The following APBB1IP variants were observed in gnomAD, a reference collection of about 807,000 sequenced individuals.
The protein encoded by APBB1IP is amyloid beta precursor protein binding family B member 1 interacting protein.
Under a neutral mutation model 64.9 loss-of-function variants are expected in APBB1IP, and 27 were observed. The ratio of observed to expected loss-of-function variants is 0.42; its 90% CI spans 0.31 to 0.57. The LOEUF (loss-of-function observed/expected upper bound fraction) is 0.57, where lower values mean the gene tolerates loss of function less well. Among genes scored for constraint, APBB1IP ranks in the 20% least tolerant of loss-of-function variants. APBB1IP has a pLI of 0.20. For synonymous variants in APBB1IP, 392 were observed against 331.0 expected (o/e 1.18, Z -2.00); for missense variants, 812 against 845.5 (o/e 0.96, Z 0.49).
chr10:26,475,385 G>C (rs1460628127), intron 2 of APBB1IP, among the ~76,000 whole-genome samples: 1 of 152,054 alleles, frequency 6.6e-6, no homozygotes, highest in African/African-American at 2.4e-5. Context: ...GGCCTCCCAG[G>C]AATGAGATTA....
In APBB1IP at chr10:26,559,094, C is replaced by A. The variant is rs563631837; in HGVS notation, c.1156-1011C>A. On this transcript the variant is annotated intron_variant, in intron 11 of 14. Transcript: ENST00000376236. ...AGAACCAGGTTTTGGGAGTTATAAA[C>A]CCACAATTCTCATAGGCATTAATTC... is the stretch of plus-strand genomic sequence containing the variant. 5.3e-5 allele frequency among the ~76,000 whole-genome samples: 8 copies of A among 152,246 alleles called. No individual in the cohort carries two copies. In the South Asian group the frequency reaches 1.2e-3, roughly 24 times the overall value.
At chr10:26,469,111 T>G (rs1472912947) in intron 2 of APBB1IP, among the ~76,000 whole-genome samples, 1 of 151,968 alleles carries the variant, frequency 6.6e-6, no homozygotes, top group Non-Finnish European at 1.5e-5. Context: ...TTTTTTCACT[T>G]TAACACTTTT....
intron 2 of APBB1IP, among the ~76,000 whole-genome samples, chr10:26,487,267 C>T (rs1040868920): frequency 2.6e-5 from 4 of 151,360 alleles, no homozygotes; most frequent in East Asian, 1.9e-4. Flanking sequence ...AAATACCACA[C>T]GTACATATAG....
chr10:26,453,268 A>G lies in APBB1IP; in HGVS notation c.-1+14415A>G, dbSNP rs118191301. Among the ~76,000 whole-genome samples, 55 of 152,312 alleles carry G rather than the reference A, an allele frequency of 3.6e-4. 1 individual carries two copies. The East Asian group carries it at 9.6e-3, about 27-fold the overall frequency. ...GAGAAATGGCACAGAGGTAATGGCA[A>G]TGGTGTGTTTACAGGAGGAGAAAAA... On this transcript the variant is annotated intron_variant, in intron 2 of 14. Coordinates refer to ENST00000376236, the MANE Select transcript of APBB1IP (RefSeq NM_019043.4).
intron 2 of APBB1IP, among the ~76,000 whole-genome samples, chr10:26,454,142 A>G (rs1835495611): frequency 6.6e-6 from 1 of 152,202 alleles, no homozygotes; most frequent in Non-Finnish European, 1.5e-5. Context: ...TATTTATGGG[A>G]TCTAAAAATA....
chr10:26,533,495 G>T lies in APBB1IP; in HGVS notation c.870G>T (p.Met290Ile). ...KKESKETNEK[M>I]NAKNKESLLE... ...AAAGCAAGGAAACTAATGAGAAAAT[G>T]AATGCTAAGAACAAGGAATCCTTAC... The change falls in exon 9 of 15, where the codon ATG (methionine) becomes ATT (isoleucine). Residue 290 changes from methionine (M) to isoleucine (I), a missense_variant. Physicochemically the swap from Met to Ile is conservative, Grantham distance 10. Around this residue, in one of 3 missense-constraint regions of APBB1IP, gnomAD observed 394 missense variants for 413.1 expected, o/e 0.95. Coordinates refer to ENST00000376236, the MANE Select transcript of APBB1IP (RefSeq NM_019043.4). 1.2e-6 allele frequency: 2 copies of T among 1,605,418 alleles called. No homozygotes were observed. The highest frequency in any genetic ancestry group is 1.1e-5 in the South Asian group (1 of 88,980).
chr10:26,443,936 A>T (rs1835364475), intron 2 of APBB1IP, among the ~76,000 whole-genome samples: 1 of 152,234 alleles, frequency 6.6e-6, no homozygotes, highest in Non-Finnish European at 1.5e-5. Flanking sequence ...AGAGACAAAG[A>T]TCCCTGCATT....
intron 8 of APBB1IP, among the ~76,000 whole-genome samples, chr10:26,520,507 C>G (rs1836390068): frequency 6.6e-6 from 1 of 152,204 alleles, no homozygotes; most frequent in South Asian, 2.1e-4. Flanking sequence ...TAACAGACGT[C>G]TTTTACAAAT....
At chr10:26,506,406 C>T (rs552997601) in intron 6 of APBB1IP, among the ~76,000 whole-genome samples, 1 of 152,152 alleles carries the variant, frequency 6.6e-6, no homozygotes, top group East Asian at 1.9e-4. Context: ...ACCACCATGG[C>T]CCACTATTTT....
chr10:26,495,952 T>A (rs1836017272), intron 3 of APBB1IP, among the ~76,000 whole-genome samples: 1 of 136,310 alleles, frequency 7.3e-6, no homozygotes, highest in Non-Finnish European at 1.5e-5. Context: ...ATAAAATATA[T>A]TTTATATATA....
chr10:26,456,897 G>C (rs1300704764), intron 2 of APBB1IP, among the ~76,000 whole-genome samples: 8 of 152,144 alleles, frequency 5.3e-5, no homozygotes, highest in Non-Finnish European at 8.8e-5. Flanking sequence ...TAGGATGGTA[G>C]CTGGGGAAAG....
In APBB1IP at chr10:26,496,367, A is replaced by G; in HGVS notation, c.136A>G (p.Ser46Gly). Residue 46 changes from serine (S) to glycine (G), a missense_variant, in exon 4 of 15, where the codon AGT (serine) becomes GGT (glycine). Transcript: ENST00000376236. ...PNPPRAEFNY[S>G]VGFKDLNESL... is the part of the protein sequence containing the mutation. ...TCCACCCAGAGCTGAATTTAACTAC[A>G]GTGTGGGGTTTAAAGATTTAAATGG... is the stretch of plus-strand genomic sequence containing the variant. 1.2e-6 allele frequency: 2 copies of G among 1,612,166 alleles called. No homozygotes were observed. The highest frequency in any genetic ancestry group is 1.1e-5 in the South Asian group (1 of 90,978).
intron 2 of APBB1IP, among the ~76,000 whole-genome samples, chr10:26,479,753 A>G (rs1316061425): frequency 2.6e-5 from 4 of 152,238 alleles, no homozygotes; most frequent in African/African-American, 9.6e-5. Flanking sequence ...AATTTGAAAT[A>G]CAATTTTCTG....
intron 2 of APBB1IP, among the ~76,000 whole-genome samples, chr10:26,490,659 T>G (rs1288077576): frequency 6.6e-6 from 1 of 152,186 alleles, no homozygotes; most frequent in East Asian, 1.9e-4. Context: ...TATCTTTATC[T>G]TTTAGCACTG....
chr10:26,562,062 G>A (rs41279920), intron 13 of APBB1IP: 18 of 367,292 alleles, frequency 4.9e-5, no homozygotes, highest in African/African-American at 1.0e-4. Context: ...ATCAAATACC[G>A]TACTCACCTT....
At chr10:26,494,339 C>G (rs946065910) in intron 3 of APBB1IP, among the ~76,000 whole-genome samples, 3 of 152,182 alleles carry the variant, frequency 2.0e-5, no homozygotes, top group Non-Finnish European at 4.4e-5. Context: ...GTCAGGTGGG[C>G]TTTAGAATGT....
Position 26,496,329 on chromosome 10 carries a change from C to G in APBB1IP, c.98C>G (p.Pro33Arg), listed in dbSNP as rs201471966. The G allele has an allele frequency of 2.5e-6, 4 of 1,612,858 alleles. No homozygotes were observed. Among genetic ancestry groups the G allele is most frequent in the Non-Finnish European group, 3.4e-6 (4 of 1,179,256 alleles). Residue 33 changes from proline to arginine, a missense_variant, in exon 4 of 15, where the codon CCT becomes CGT. Around this residue, in one of 3 missense-constraint regions of APBB1IP, gnomAD observed 394 missense variants for 413.1 expected, o/e 0.95. Coordinates refer to ENST00000376236, the MANE Select transcript of APBB1IP (RefSeq NM_019043.4). ...TQSLGVDTLP[P>R]PDPNPPRAEF... The stretch of plus-strand genomic sequence containing the variant: ...AGTTTAGGAGTTGACACTCTCCCTC[C>G]TCCTGACCCTAATCCACCCAGAGCT...
intron 2 of APBB1IP, among the ~76,000 whole-genome samples, chr10:26,463,112 C>T (rs904242529): frequency 2.0e-5 from 3 of 152,120 alleles, no homozygotes; most frequent in Non-Finnish European, 4.4e-5. Context: ...AAAATATGTA[C>T]TGAAAATGGA....
rs1157361845 is a variant in APBB1IP, at chr10:26,567,253, C to T, written c.1766C>T (p.Ser589Leu). Residue 589 changes from serine (S) to leucine (L), a missense_variant, in exon 15 of 15, where the codon TCG becomes TTG. Ser to Leu is a moderately radical substitution (Grantham distance 145). Transcript: ENST00000376236. ...PPDFVPPPPP[S>L]YAGIAGSELP... ...GACTTCGTGCCCCCGCCCCCGCCGT[C>T]GTACGCAGGGATCGCGGGCTCAGAG... 19 of 1,310,508 alleles carry T rather than the reference C, an allele frequency of 1.4e-5. No homozygotes were observed. Among genetic ancestry groups the T allele is most frequent in the Non-Finnish European group, 1.8e-5 (18 of 1,028,158 alleles). The allele number at this position is 1,310,508 out of a possible 1,614,324, so 81.2% of individuals were successfully genotyped here.
Sources: gnomAD v4.1 joint callset for allele counts (sites outside exome capture counted in the v4.1 genomes callset) on GRCh38, gnomAD v4.1.1 for gene constraint, gnomAD v4.1.1 regional missense constraint, MANE v1.5 for transcripts, NCBI Gene and HGNC (gene_info 2026-07-23, HGNC 2026-07-21) for gene names.